Variants in IL31RA observed in about 807,000 individuals in gnomAD.
The protein encoded by IL31RA is interleukin-31 receptor subunit alpha.
A neutral mutation model predicts 83.7 loss-of-function variants in IL31RA; 66 were observed. That is an observed-to-expected ratio of 0.79 (90% CI 0.65 to 0.97). The LOEUF (loss-of-function observed/expected upper bound fraction) is 0.97. Ranked by LOEUF, IL31RA falls within the 50% of genes least tolerant of loss-of-function variation. IL31RA has a pLI of 0.00. For missense variants in IL31RA, 798 were observed against 919.4 expected, an observed-to-expected ratio of 0.87 and a Z score of 1.71; for synonymous variants, 325 against 329.0, an observed-to-expected ratio of 0.99 and a Z score of 0.13.
At position 55,855,335 on chromosome 5, in the gene IL31RA, T is replaced by TA. The variant is rs1561534598; in HGVS notation, c.63+3702_63+3703insA. Among the ~76,000 whole-genome samples the TA allele has an allele frequency of 3.4e-4, 46 of 133,966 alleles. 1 individual carries two copies. Among genetic ancestry groups the TA allele is most frequent in the Middle Eastern group, 8.4e-3 (2 of 238 alleles). The allele number at this position is 133,966 out of a possible 152,430, so 87.9% of individuals were successfully genotyped here. The stretch of plus-strand genomic sequence containing the variant: ...ATTTAAAATATATATATATATATAT[T>TA]TTTAGAGACAGAGTCTTGCTATGTT... On this transcript the variant is annotated intron_variant, in intron 1 of 14. Transcript: ENST00000652347.
chr5:55,860,600 A>G (rs1418754923), intron 2 of IL31RA, among the ~76,000 whole-genome samples: 2 of 152,240 alleles, frequency 1.3e-5, no homozygotes, highest in African/African-American at 2.4e-5. Flanking sequence ...CAGTTTTCAT[A>G]CTATTTGCCA....
In IL31RA at chr5:55,883,032, T is replaced by A; in HGVS notation, c.455-12T>A. The A allele has an allele frequency of 3.1e-6, 5 of 1,613,642 alleles. No homozygotes were observed. The highest frequency in any genetic ancestry group is 3.4e-6 in the Non-Finnish European group (4 of 1,179,766). ...TTTGCAGATATGAGAGTTGTATGAT[T>A]TTTATTTTCAGCGAAAACTGAACCA... On this transcript the variant is annotated splice_polypyrimidine_tract_variant and intron_variant, in intron 4 of 14. Coordinates refer to ENST00000652347, the MANE Select transcript of IL31RA (RefSeq NM_139017.7).
rs144337484 is a variant in IL31RA at position 55,890,063 on chromosome 5, C to T, written c.700C>T (p.Arg234Ter). ...TTTTACAGAATATGTCATAGCTCTG[C>T]GATGTGCGGTCAAGGAGTCAAAGTT... The part of the protein sequence containing the change: ...QPFTEYVIAL[R>*]CAVKESKFWS... Residue 234 changes from arginine (R) to a stop codon, truncating the protein, a stop_gained, in exon 6 of 15, where the codon CGA (arginine) becomes TGA (stop). Coordinates refer to ENST00000652347, the MANE Select transcript of IL31RA (RefSeq NM_139017.7). LOFTEE classifies it high-confidence loss of function. 36 of 1,613,796 alleles carry T rather than the reference C, an allele frequency of 2.2e-5. No individual in the cohort carries two copies. The highest frequency in any genetic ancestry group is 6.7e-5 in the East Asian group (3 of 44,882).
chr5:55,907,939 A>G (rs140127174), intron 10 of IL31RA, among the ~76,000 whole-genome samples: 1 of 152,300 alleles, frequency 6.6e-6, no homozygotes, highest in African/African-American at 2.4e-5. Flanking sequence ...CTGCCACTCA[A>G]AGGTAGCCTA....
In IL31RA at chr5:55,916,557, A is replaced by G. The variant is rs890007489; in HGVS notation, c.1819-87A>G. ...GGTGGGGGCTGTTCCAGAGATGGGCATTTGCTGTCCCAAGCCTAACGAGTT... is the reference window on the plus strand; with the variant it reads ...GGTGGGGGCTGTTCCAGAGATGGGCGTTTGCTGTCCCAAGCCTAACGAGTT... On this transcript the variant is annotated intron_variant, in intron 14 of 14. Coordinates refer to ENST00000652347, the MANE Select transcript of IL31RA (RefSeq NM_139017.7). 6 of 1,134,630 alleles carry G rather than the reference A, an allele frequency of 5.3e-6. No homozygotes were observed. The Admixed American group carries it at 1.0e-4, about 19-fold the overall frequency. 70.3% of individuals were successfully genotyped at this position (1,134,630 alleles called of 1,614,324 possible). A position where few individuals can be genotyped will look rare whatever the true frequency, so the allele number is the denominator to read the frequency against.
Position 55,899,982 on chromosome 5 carries a change from A to G in IL31RA, c.919A>G (p.Asn307Asp), listed in dbSNP as rs1748710768. 1.9e-6 allele frequency: 3 copies of G among 1,614,192 alleles called. No individual in the cohort carries two copies. Among genetic ancestry groups the G allele is most frequent in the African/African-American group, 2.7e-5 (2 of 75,052 alleles). The change falls in exon 8 of 15, where the codon AAC (asparagine) becomes GAC (aspartate). Residue 307 changes from asparagine to aspartate, a missense_variant. Asn to Asp is a conservative substitution (Grantham distance 23, BLOSUM62 1). Transcript: ENST00000652347. ...GYNIWYYPES[N>D]TNLTETMNTT... ...CAACATATGGTACTATCCAGAAAGC[A>G]ACACTAACCTCACAGAAACAATGAA...
intron 5 of IL31RA, 26 bp from the exon 6 acceptor site, chr5:55,889,944 A>G (rs771096325): frequency 1.2e-6 from 2 of 1,611,944 alleles, no homozygotes; most frequent in Non-Finnish European, 1.7e-6. Context: ...TCTCCATTTC[A>G]GTTTAGGATT....
At position 55,891,761 on chromosome 5, in the gene IL31RA, A is replaced by ATTTTTTTTTTTTTTTTTTT. The variant is rs35672011; in HGVS notation, c.772+1640_772+1658dup. Among the ~76,000 whole-genome samples the ATTTTTTTTTTTTTTTTTTT allele has an allele frequency of 1.2e-4, 7 of 60,028 alleles. 1 individual carries two copies. The highest frequency in any genetic ancestry group is 2.9e-4 in the Admixed American group (1 of 3,462). The allele number at this position is 60,028 out of a possible 152,430, so 39.4% of individuals were successfully genotyped here. A position where few individuals can be genotyped will look rare whatever the true frequency, so the allele number is the denominator to read the frequency against. ...TACAGGTTCCAGGGATTTGGACAAG[A>ATTTTTTTTTTTTTTTTTTT]TTTTTTTTTTTTTTTTTTTTTTTTT... On this transcript the variant is annotated intron_variant, in intron 6 of 14. Coordinates refer to ENST00000652347, the MANE Select transcript of IL31RA (RefSeq NM_139017.7).
At chr5:55,851,900 GTTGCCTCT>G (rs1347888832) in intron 1 of IL31RA, among the ~76,000 whole-genome samples, 24 of 152,060 alleles carry the variant, frequency 1.6e-4, no homozygotes, top group African/African-American at 5.6e-4. Context: ...CTTATTTGCT[GTTGCCTCT>G]TCCCATTTGT....
At chr5:55,867,225 GTGTGTGTTTGTGTGTGTGTT>G (rs1426997638) in intron 2 of IL31RA, among the ~76,000 whole-genome samples, 7,438 of 121,686 alleles carry the variant, frequency 0.061, 614 homozygotes, top group African/African-American at 0.2. Context: ...GTGTGTTTGT[GTGTGTGTTTGTGTGTGTGTT>G]TGTGTGTGCG....
Position 55,883,028 on chromosome 5 carries a change from T to A in IL31RA, c.455-16T>A, listed in dbSNP as rs1747343752. 3.7e-6 allele frequency: 6 copies of A among 1,613,236 alleles called. No homozygotes were observed. Among genetic ancestry groups the A allele is most frequent in the Non-Finnish European group, 5.1e-6 (6 of 1,179,500 alleles). ...TCTTTTTGCAGATATGAGAGTTGTA[T>A]GATTTTTATTTTCAGCGAAAACTGA... On this transcript the variant is annotated splice_polypyrimidine_tract_variant and intron_variant, in intron 4 of 14. Coordinates refer to ENST00000652347, the MANE Select transcript of IL31RA (RefSeq NM_139017.7).
chr5:55,867,235 G>T (rs537322010), intron 2 of IL31RA, among the ~76,000 whole-genome samples: 448 of 20,996 alleles, frequency 0.021, 13 homozygotes, highest in African/African-American at 0.046. Flanking sequence ...GTGTGTGTTT[G>T]TGTGTGTGTT....
intron 4 of IL31RA, among the ~76,000 whole-genome samples, chr5:55,875,455 A>G (rs1746788767): frequency 6.6e-6 from 1 of 152,122 alleles, no homozygotes; most frequent in Admixed American, 6.5e-5. Context: ...TAAACCTGTC[A>G]ATAGATTTCC....
intron 13 of IL31RA, among the ~76,000 whole-genome samples, chr5:55,914,252 C>T (rs1749661307): frequency 1.3e-5 from 2 of 152,316 alleles, no homozygotes; most frequent in Middle Eastern, 3.4e-3. Flanking sequence ...TATCAACCTC[C>T]GTTACCAACT....
chr5:55,867,137 ATGTG>A (rs34406059), intron 2 of IL31RA, among the ~76,000 whole-genome samples: 1 of 85,826 alleles, frequency 1.2e-5, no homozygotes, highest in African/African-American at 4.5e-5. Context: ...GTGTGTGTGC[ATGTG>A]TGTGTGCATG....
chr5:55,875,751 CA>C (rs1355590427), intron 4 of IL31RA, among the ~76,000 whole-genome samples: 1 of 152,012 alleles, frequency 6.6e-6, no homozygotes, highest in East Asian at 1.9e-4. Flanking sequence ...CAAAACAAAG[CA>C]AACTTTCTAG....
At chr5:55,897,237 C>A (rs1229189422) in intron 7 of IL31RA, among the ~76,000 whole-genome samples, 2 of 149,984 alleles carry the variant, frequency 1.3e-5, no homozygotes, top group African/African-American at 2.5e-5. Flanking sequence ...ATTTCCTTCC[C>A]TAGAGGGCTT....
At chr5:55,881,716 A>ATT (rs34217814) in intron 4 of IL31RA, among the ~76,000 whole-genome samples, 12,426 of 59,662 alleles carry the variant, frequency 0.21, 4,704 homozygotes, top group African/African-American at 0.25. Context: ...AGTTCCTGAG[A>ATT]TTTTTTTTTT....
At chr5:55,861,067 T>C (rs570698762) in intron 2 of IL31RA, among the ~76,000 whole-genome samples, 1 of 152,330 alleles carries the variant, frequency 6.6e-6, no homozygotes, top group Non-Finnish European at 1.5e-5. Context: ...CTTCAAGTGC[T>C]CTATCTCCAA....
Sources: allele counts gnomAD v4.1 joint callset (sites outside exome capture counted in the v4.1 genomes callset), GRCh38; gene constraint gnomAD v4.1.1; transcripts MANE v1.5; gene names NCBI Gene and HGNC (gene_info 2026-07-23, HGNC 2026-07-21).